PCDHA3: variants seen among roughly 807,000 people sequenced by gnomAD.
PCDHA3 encodes the protein protocadherin alpha 3, also known as protocadherin alpha-3.
A neutral mutation model predicts 62.2 loss-of-function variants in PCDHA3; 41 were observed. That is an observed-to-expected ratio of 0.66 (90% CI 0.51 to 0.86). PCDHA3 has a LOEUF of 0.86. PCDHA3 is among the 40% of genes least tolerant of loss of function. The pLI is 0.00. For synonymous variants in PCDHA3, 640 were observed against 555.4 expected, an observed-to-expected ratio of 1.15 and a Z score of -2.14; for missense variants, 1,304 against 1,241.2, an observed-to-expected ratio of 1.05 and a Z score of -0.76.
chr5:140,826,678 A>T (rs2150144897), intron 1 of PCDHA3, among the ~76,000 whole-genome samples: 79,540 of 151,996 alleles, frequency 0.52, 20,975 homozygotes, highest in Middle Eastern at 0.64. Context: ...AGACGTAATT[A>T]AAAAAACCCA....
intron 1 of PCDHA3, chr5:140,814,842 T>C (rs148229607): frequency 9.2e-5 from 14 of 152,232 alleles, no homozygotes; most frequent in Admixed American, 3.9e-4. Flanking sequence ...TTTCTGTGAA[T>C]GTTTGCCTCA....
chr5:140,921,257 A>G lies in PCDHA3; in HGVS notation c.2395-57692A>G, dbSNP rs115706395. On this transcript the variant is annotated intron_variant, in intron 1 of 3. Coordinates refer to ENST00000522353, the MANE Select transcript of PCDHA3 (RefSeq NM_018906.3). The stretch of plus-strand genomic sequence containing the variant: ...ATTAAGCCACAGATCAAAAAGTCCT[A>G]GACTTTTATACTTACTTGAAAAAAA... 1.4e-3 allele frequency among the ~76,000 whole-genome samples: 213 copies of G among 152,258 alleles called. 1 individual carries two copies. The highest frequency in any genetic ancestry group is 4.8e-3 in the African/African-American group (199 of 41,532).
intron 1 of PCDHA3, among the ~76,000 whole-genome samples, chr5:140,903,607 A>G (rs938837767): frequency 6.6e-6 from 1 of 152,254 alleles, no homozygotes; most frequent in Non-Finnish European, 1.5e-5. Context: ...TGCTTAATAC[A>G]CATGAATGTG....
chr5:140,990,871 G>GT, intron 3 of PCDHA3, among the ~76,000 whole-genome samples: 1 of 152,284 alleles, frequency 6.6e-6, no homozygotes, highest in East Asian at 1.9e-4. Context: ...TATTTTAAGT[G>GT]TATGTTCCAG....
chr5:140,836,101 C>G lies in PCDHA3; in HGVS notation c.2394+32510C>G, dbSNP rs1554135618. On this transcript the variant is annotated intron_variant, in intron 1 of 3. Transcript: ENST00000522353. ...CTGCTGGCGCCTCGGGTGGGTGGCA[C>G]TGGTGGCGCAGTGAGAGAGCTTGTG... 8 of 1,613,594 alleles carry G rather than the reference C, an allele frequency of 5.0e-6. No individual in the cohort carries two copies. In the Admixed American group the frequency reaches 1.3e-4, roughly 27 times the overall value.
At chr5:140,842,027 AATG>A (rs2150327621) in intron 1 of PCDHA3, 1 of 1,613,850 alleles carries the variant, frequency 6.2e-7, no homozygotes, top group East Asian at 2.2e-5. Flanking sequence ...GCTGGATGTG[AATG>A]ATAATGCTCC....
Position 140,851,117 on chromosome 5 carries a change from T to C in PCDHA3, c.2394+47526T>C, listed in dbSNP as rs932245132. 14 of 1,306,346 alleles carry C rather than the reference T, an allele frequency of 1.1e-5. No homozygotes were observed. The African/African-American group carries it at 2.0e-4, about 19-fold the overall frequency. 80.9% of individuals were successfully genotyped at this position (1,306,346 alleles called of 1,614,324 possible). On this transcript the variant is annotated intron_variant, in intron 1 of 3. Transcript: ENST00000522353. ...ATATTTTTTGGGTGCTGAATCAATT[T>C]TATTTAAATTTGTGATTAAAGTGAC... is the stretch of plus-strand genomic sequence containing the variant.
chr5:140,929,124 C>A (rs2085843450), intron 1 of PCDHA3: 5 of 1,614,048 alleles, frequency 3.1e-6, no homozygotes, highest in Admixed American at 3.3e-5. Context: ...CCATAGATGT[C>A]ACTACAGTTG....
chr5:140,871,027 C>T (rs1554164992), intron 1 of PCDHA3: 1 of 1,613,114 alleles, frequency 6.2e-7, no homozygotes, highest in African/African-American at 1.3e-5. Context: ...GGCAGACTCG[C>T]CGCGCCACCG....
chr5:140,901,213 G>A (rs2068513524), intron 1 of PCDHA3, among the ~76,000 whole-genome samples: 1 of 152,040 alleles, frequency 6.6e-6, no homozygotes, highest in Non-Finnish European at 1.5e-5. Flanking sequence ...TTTTTAAGTT[G>A]ATGTGATCCC....
At chr5:140,896,673 G>A (rs962137649) in intron 1 of PCDHA3, among the ~76,000 whole-genome samples, 12 of 152,000 alleles carry the variant, frequency 7.9e-5, no homozygotes, top group Admixed American at 2.6e-4. Context: ...CACTGTGCCC[G>A]GCCCTTTGCC....
In PCDHA3 at chr5:140,802,660, C is replaced by T. The variant is rs139431952; in HGVS notation, c.1463C>T (p.Ala488Val). ...CGGGACGCGGACGCGCAGGAGAACG[C>T]CCTGGTGTCCTACTCGCTGGTGGAA... ...SARDADAQEN[A>V]LVSYSLVERR... Residue 488 changes from alanine (A) to valine (V), a missense_variant, in exon 1 of 4, where the codon GCC becomes GTC. Physicochemically the swap from Ala to Val is moderately conservative, Grantham distance 64 (BLOSUM62 0). Coordinates refer to ENST00000522353, the MANE Select transcript of PCDHA3 (RefSeq NM_018906.3). 9 of 1,613,442 alleles carry T rather than the reference C, an allele frequency of 5.6e-6. No individual in the cohort carries two copies. In the African/African-American group the frequency reaches 6.7e-5, roughly 12 times the overall value.
chr5:140,925,499 T>C (rs2082524680), intron 1 of PCDHA3, among the ~76,000 whole-genome samples: 1 of 152,018 alleles, frequency 6.6e-6, no homozygotes, highest in African/African-American at 2.4e-5. Flanking sequence ...ACTGTCCCAA[T>C]ATCCACGCAA....
intron 1 of PCDHA3, among the ~76,000 whole-genome samples, chr5:140,887,345 C>A (rs1286436995): frequency 6.6e-6 from 1 of 152,140 alleles, no homozygotes; most frequent in Non-Finnish European, 1.5e-5. Context: ...ATCCACCTGG[C>A]TCGGCCTCCC....
chr5:140,875,290 A>T (rs1321351883), intron 1 of PCDHA3: 20 of 1,396,906 alleles, frequency 1.4e-5, no homozygotes, highest in East Asian at 7.6e-5. Context: ...AAACAGGAAA[A>T]TTTTTTTCTC....
chr5:140,927,609 C>T (rs1285751413), intron 1 of PCDHA3: 1 of 1,614,076 alleles, frequency 6.2e-7, no homozygotes, highest in Admixed American at 1.7e-5. Flanking sequence ...CCGTATACCG[C>T]ACCAAGGTTC....
At position 140,895,904 on chromosome 5, in the gene PCDHA3, C is replaced by A. The variant is rs956599707; in HGVS notation, c.2395-83045C>A. Among the ~76,000 whole-genome samples, 7 of 152,138 alleles carry A rather than the reference C, an allele frequency of 4.6e-5. No homozygotes were observed. In the South Asian group the frequency reaches 1.5e-3, roughly 32 times the overall value. On this transcript the variant is annotated intron_variant, in intron 1 of 3. Transcript: ENST00000522353. ...TCGGCTCACTGCAACCTCCGCGTCC[C>A]GGGCTCAACAATTATCCTGCCTCAG...
rs2150484404 is a variant in PCDHA3, at chr5:140,850,437, C to T, written c.2394+46846C>T. 6.3e-6 allele frequency: 10 copies of T among 1,597,794 alleles called. 1 individual carries two copies. Among genetic ancestry groups the T allele is most frequent in the African/African-American group, 1.3e-5 (1 of 74,284 alleles). ...AACGGACGCACCGCGCCAGCGCCTA[C>T]TGGTGCTGGTGAAAGACCACGGGGA... On this transcript the variant is annotated intron_variant, in intron 1 of 3. Transcript: ENST00000522353.
chr5:140,861,259 G>A (rs1180244061), intron 1 of PCDHA3: 2 of 166,330 alleles, frequency 1.2e-5, no homozygotes, highest in Non-Finnish European at 2.6e-5. Flanking sequence ...AGGAATCCCG[G>A]AGCCTACAGC....
Sources: gnomAD v4.1 joint callset for allele counts (sites outside exome capture counted in the v4.1 genomes callset) on GRCh38, gnomAD v4.1.1 for gene constraint, MANE v1.5 for transcripts, NCBI Gene and HGNC (gene_info 2026-07-23, HGNC 2026-07-21) for gene names.